The following RYR3 variants were observed in gnomAD, a reference collection of about 807,000 sequenced individuals.
The protein encoded by RYR3 is ryanodine receptor 3.
RYR3 carries 207 observed loss-of-function variants against 584.3 expected under a neutral mutation model. The observed-to-expected ratio is 0.35, with a 90% CI of 0.32 to 0.40. The LOEUF is 0.40. RYR3 is among the 10% of genes least tolerant of loss of function. The pLI, the probability that RYR3 is intolerant of heterozygous loss-of-function variation, is 1.00. For missense variants in RYR3, 5,616 were observed against 6,089.2 expected (o/e 0.92, Z 2.59); for synonymous variants, 2,416 against 2,248.5 (o/e 1.07, Z -2.11).
At chr15:33,319,889 A>C (rs1226815852) in intron 1 of RYR3, among the ~76,000 whole-genome samples, 1 of 152,186 alleles carries the variant, frequency 6.6e-6, no homozygotes, top group Non-Finnish European at 1.5e-5. Context: ...GGGGTCTTAA[A>C]TTTGGTTTAC....
chr15:33,816,979 G>A (rs1230322940), intron 75 of RYR3, 21 bp downstream of exon 75: 3 of 1,389,248 alleles, frequency 2.2e-6, no homozygotes, highest in Non-Finnish European at 3.0e-6. Context: ...ACTCCCCTGG[G>A]AGCAGATATG....
intron 38 of RYR3, among the ~76,000 whole-genome samples, chr15:33,689,040 C>T (rs1330973502): frequency 6.6e-5 from 10 of 151,942 alleles, no homozygotes; most frequent in Non-Finnish European, 1.5e-4. Flanking sequence ...AAATACTATG[C>T]AGCCATAAAA....
chr15:33,543,263 T>C (rs2055968013), intron 7 of RYR3, among the ~76,000 whole-genome samples: 1 of 152,142 alleles, frequency 6.6e-6, no homozygotes, highest in African/African-American at 2.4e-5. Flanking sequence ...TGGATATTTA[T>C]CCAGAAATTT....
intron 52 of RYR3, among the ~76,000 whole-genome samples, chr15:33,744,270 G>A (rs1020846887): frequency 3.9e-5 from 6 of 152,030 alleles, no homozygotes; most frequent in South Asian, 2.1e-4. Context: ...TTCGTAGCAC[G>A]CTTAGGTATT....
At chr15:33,516,427 T>C (rs985830260) in intron 3 of RYR3, among the ~76,000 whole-genome samples, 1 of 151,516 alleles carries the variant, frequency 6.6e-6, no homozygotes, top group Non-Finnish European at 1.5e-5. Flanking sequence ...CACTGCAACC[T>C]CTGCCTCCTG....
At chr15:33,764,097 A>G (rs1596482994) in intron 60 of RYR3, among the ~76,000 whole-genome samples, 1 of 152,158 alleles carries the variant, frequency 6.6e-6, no homozygotes, top group Non-Finnish European at 1.5e-5. Flanking sequence ...CCAAAGGATT[A>G]TAAATTATTC....
intron 76 of RYR3, 33 bp downstream of exon 76, chr15:33,818,717 G>T: frequency 6.7e-7 from 1 of 1,498,726 alleles, no homozygotes; most frequent in East Asian, 2.3e-5. Context: ...CTTCTCCCAG[G>T]CACCAGGGAT....
Position 33,810,560 on chromosome 15 carries a change from G to A in RYR3, c.10108G>A (p.Ala3370Thr). 4 of 1,614,014 alleles carry A rather than the reference G, an allele frequency of 2.5e-6. No individual in the cohort carries two copies. Among genetic ancestry groups the A allele is most frequent in the Non-Finnish European group, 3.4e-6 (4 of 1,179,898 alleles). The change falls in exon 71 of 104, where the codon GCA becomes ACA. Residue 3370 changes from alanine (A) to threonine (T), a missense_variant. Around this residue, in one of 9 missense-constraint regions of RYR3, gnomAD observed 954 missense variants for 1,132.2 expected, o/e 0.84. Transcript: ENST00000634891. ...CATCCAGACCTCCCTCATCGTGGCT[G>A]CACTCAAGAAAATGCTGCCCATTGG... is the stretch of plus-strand genomic sequence containing the variant. ...YSIQTSLIVAALKKMLPIGLN... is the reference protein window; with the variant it reads ...YSIQTSLIVATLKKMLPIGLN...
At chr15:33,381,859 G>A (rs940733124) in intron 1 of RYR3, among the ~76,000 whole-genome samples, 9 of 152,112 alleles carry the variant, frequency 5.9e-5, no homozygotes, top group Admixed American at 2.0e-4. Flanking sequence ...ATTCAGACTC[G>A]CCCCATCTTC....
In RYR3 at chr15:33,861,168, G is replaced by A; in HGVS notation, c.14455G>A (p.Ala4819Thr). The change falls in exon 102 of 104, where the codon GCC (alanine) becomes ACC (threonine). Residue 4819 changes from alanine (A) to threonine (T), a missense_variant. This residue lies in a region of RYR3 where 918 missense variants were observed against 887.4 expected (regional missense o/e 1.03). Coordinates refer to ENST00000634891, the MANE Select transcript of RYR3 (RefSeq NM_001036.6). ...ACATACATTACAAGAGCACAACTTA[G>A]CCAACTACTTGTGAGTATTCTTGGT... ...ETHTLQEHNL[A>T]NYLFFLMYLI... The A allele has an allele frequency of 6.3e-7, 1 of 1,587,390 alleles. No homozygotes were observed. Among genetic ancestry groups the A allele is most frequent in the African/African-American group, 1.3e-5 (1 of 74,700 alleles).
chr15:33,671,655 C>T (rs895999505), intron 38 of RYR3, among the ~76,000 whole-genome samples: 2 of 152,070 alleles, frequency 1.3e-5, no homozygotes, highest in African/African-American at 4.8e-5. Flanking sequence ...GTGCCAGCAG[C>T]ACTCTAAAGC....
chr15:33,827,393 A>G (rs2077433980), intron 85 of RYR3, 106 bp downstream of exon 85: 1 of 1,006,588 alleles, frequency 9.9e-7, no homozygotes, highest in Non-Finnish European at 1.5e-6. Flanking sequence ...AAGCCCCTAT[A>G]AGGAAGGCGT....
intron 48 of RYR3, among the ~76,000 whole-genome samples, chr15:33,734,367 G>C (rs904183354): frequency 2.0e-5 from 3 of 152,336 alleles, no homozygotes; most frequent in East Asian, 1.9e-4. Flanking sequence ...TCAAAAGGAA[G>C]ATTAATGCCC....
chr15:33,775,250 T>C (rs189998719), intron 64 of RYR3, among the ~76,000 whole-genome samples: 267 of 152,134 alleles, frequency 1.8e-3, no homozygotes, highest in Non-Finnish European at 2.9e-3. Flanking sequence ...TTTTTCTGTA[T>C]TTTTTTTCCT....
chr15:33,430,529 C>G (rs1459796769), intron 1 of RYR3, among the ~76,000 whole-genome samples: 4 of 152,182 alleles, frequency 2.6e-5, no homozygotes, highest in Admixed American at 2.6e-4. Flanking sequence ...CTCCAGGCCC[C>G]TTAGAAAGAA....
rs756506724 is a variant in RYR3, at chr15:33,748,170, G to A, written c.8046G>A (p.Val2682=). The A allele has an allele frequency of 2.5e-6, 4 of 1,613,884 alleles. No homozygotes were observed. The South Asian group carries it at 4.4e-5, about 18-fold the overall frequency. Reference sequence around the variant, plus strand: ...AGTCCCTGAAAACCATGCTGGCTGTGGGCTGGACTGTGGAGAGGACCAAAG... The same window carrying A: ...AGTCCCTGAAAACCATGCTGGCTGTAGGCTGGACTGTGGAGAGGACCAAAG... ...ARESLKTMLA[V]GWTVERTKEG... Residue 2682 remains valine (V), a synonymous_variant, in exon 54 of 104, where the codon GTG becomes GTA. Coordinates refer to ENST00000634891, the MANE Select transcript of RYR3 (RefSeq NM_001036.6).
chr15:33,475,061 CTTTGT>C (rs2049260943), intron 2 of RYR3, among the ~76,000 whole-genome samples: 1 of 151,870 alleles, frequency 6.6e-6, no homozygotes, highest in South Asian at 2.1e-4. Flanking sequence ...TTTTGTTTTG[CTTTGT>C]TTTGTTTTTC....
Position 33,623,914 on chromosome 15 carries a change from A to G in RYR3, c.2465A>G (p.Glu822Gly), listed in dbSNP as rs1403657330. The G allele has an allele frequency of 6.2e-6, 10 of 1,613,854 alleles. No individual in the cohort carries two copies. The highest frequency in any genetic ancestry group is 5.0e-5 in the Admixed American group (3 of 60,024). Residue 822 changes from glutamate (E) to glycine (G), a missense_variant, in exon 20 of 104, where the codon GAG becomes GGG. Coordinates refer to ENST00000634891, the MANE Select transcript of RYR3 (RefSeq NM_001036.6). The part of the protein sequence containing the change: ...ALLPKEKMRL[E>G]PVKEYKRDAD... ...CTTCCAAAAGAGAAGATGAGATTGG[A>G]GCCTGTCAAAGAATATAAACGTGAT...
intron 17 of RYR3, among the ~76,000 whole-genome samples, chr15:33,602,859 C>T (rs1362408592): frequency 6.7e-6 from 1 of 150,210 alleles, no homozygotes; most frequent in African/African-American, 2.4e-5. Context: ...AGTTCTCCAA[C>T]CTCACCCTCG....
Sources: gnomAD v4.1 joint callset for allele counts (sites outside exome capture counted in the v4.1 genomes callset) on GRCh38, gnomAD v4.1.1 for gene constraint, gnomAD v4.1.1 regional missense constraint, MANE v1.5 for transcripts, NCBI Gene and HGNC (gene_info 2026-07-23, HGNC 2026-07-21) for gene names.